SEPTIN8: variants seen among roughly 807,000 people sequenced by gnomAD.
SEPTIN8 encodes the protein septin-8.
SEPTIN8 carries 22 observed loss-of-function variants against 53.1 expected under a neutral mutation model. The ratio of observed to expected loss-of-function variants is 0.41; its 90% CI spans 0.30 to 0.59. The LOEUF (loss-of-function observed/expected upper bound fraction) is 0.59. Ranked by LOEUF, SEPTIN8 falls within the 20% of genes least tolerant of loss-of-function variation. SEPTIN8 has a pLI of 0.24. For synonymous variants in SEPTIN8, 228 were observed against 248.4 expected, an observed-to-expected ratio of 0.92 and a Z score of 0.77; for missense variants, 536 against 638.7, an observed-to-expected ratio of 0.84 and a Z score of 1.73.
chr5:132,767,943 C>CCACCCACACACACACACA (rs1554114976), intron 1 of SEPTIN8, among the ~76,000 whole-genome samples: 1 of 127,976 alleles, frequency 7.8e-6, no homozygotes, highest in African/African-American at 2.9e-5. Flanking sequence ...TGTCTGGAAA[C>CCACCCACACACACACACA]CACACACACA....
chr5:132,762,546 C>A lies in SEPTIN8; in HGVS notation c.634G>T (p.Val212Phe), dbSNP rs776730798. Residue 212 changes from valine (V) to phenylalanine (F), a missense_variant, in exon 5 of 10, where the codon GTC (valine) becomes TTC (phenylalanine). Around this residue, in one of 3 missense-constraint regions of SEPTIN8, gnomAD observed 395 missense variants for 451.8 expected, o/e 0.87. Coordinates refer to ENST00000378719, the MANE Select transcript of SEPTIN8 (RefSeq NM_001098811.2). ...TCCGTGGGGAACTGGTAGATCTGGA[C>A]CCCGTTGCTGACCAACTCGCCCATG... ...KIMGELVSNG[V>F]QIYQFPTDDE... 3.7e-6 allele frequency: 6 copies of A among 1,614,220 alleles called. No individual in the cohort carries two copies. In the Admixed American group the frequency reaches 6.7e-5, roughly 18 times the overall value.
upstream of SEPTIN8, chr5:132,778,102 C>T: frequency 1.0e-6 from 1 of 985,080 alleles, no homozygotes; most frequent in Non-Finnish European, 1.2e-6. Flanking sequence ...TCGGAGGCCT[C>T]AGGAGGTTCT....
At chr5:132,754,694 G>A (rs1755176073) in intron 9 of SEPTIN8, among the ~76,000 whole-genome samples, 1 of 152,164 alleles carries the variant, frequency 6.6e-6, no homozygotes, top group South Asian at 2.1e-4. Flanking sequence ...GCTTGCCGTG[G>A]GGCCCCAGGT....
upstream of SEPTIN8, among the ~76,000 whole-genome samples, chr5:132,780,063 G>C (rs565195697): frequency 1.3e-5 from 2 of 152,304 alleles, no homozygotes; most frequent in East Asian, 3.9e-4. Flanking sequence ...TGCATTCCAG[G>C]CAGCAAGAGG....
intron 9 of SEPTIN8, among the ~76,000 whole-genome samples, chr5:132,752,659 T>G (rs1754953021): frequency 6.6e-6 from 1 of 152,112 alleles, no homozygotes; most frequent in Non-Finnish European, 1.5e-5. Context: ...TCAGAACAGA[T>G]AGGTTAGGAT....
intron 1 of SEPTIN8, among the ~76,000 whole-genome samples, chr5:132,771,636 T>C (rs953774571): frequency 2.0e-5 from 3 of 152,162 alleles, no homozygotes; most frequent in Non-Finnish European, 4.4e-5. Flanking sequence ...TCTCCACCCA[T>C]GTTCCTGGCA....
chr5:132,777,019 A>C lies in SEPTIN8; in HGVS notation c.30+89T>G, dbSNP rs1017561661. ...CGAGGCCCGGCCGTGAGGCGCTGAC[A>C]GCCCGCTTCGCGCCCCCCGCCAGCT... On this transcript the variant is annotated intron_variant, in intron 1 of 9. Coordinates refer to ENST00000378719, the MANE Select transcript of SEPTIN8 (RefSeq NM_001098811.2). The surrounding 1 kb of genome is among the most constrained non-coding windows in gnomAD (Gnocchi z 4.1). The C allele has an allele frequency of 3.5e-6, 3 of 849,582 alleles. No homozygotes were observed. The African/African-American group carries it at 5.4e-5, about 15-fold the overall frequency. 52.6% of individuals were successfully genotyped at this position (849,582 alleles called of 1,614,324 possible). A position where few individuals can be genotyped will look rare whatever the true frequency, so the allele number is the denominator to read the frequency against.
Position 132,751,082 on chromosome 5 carries a change from C to A in SEPTIN8, c.*934G>T. ...GTTTACAACATGGGATGGCAAAGCA[C>A]AGGCGTGCACACGCCCTTGCACATG... On this transcript the variant is annotated 3_prime_UTR_variant, in exon 10 of 10. Transcript: ENST00000378719. The A allele has an allele frequency of 6.7e-7, 1 of 1,492,086 alleles. No homozygotes were observed. The allele number at this position is 1,492,086 out of a possible 1,614,324, so 92.4% of individuals were successfully genotyped here.
In SEPTIN8 at chr5:132,751,344, C is replaced by CTAA. The variant is rs1432058682; in HGVS notation, c.*671_*672insTTA. 9.2e-6 allele frequency: 2 copies of CTAA among 217,338 alleles called. No homozygotes were observed. Among genetic ancestry groups the CTAA allele is most frequent in the African/African-American group, 4.6e-5 (2 of 43,180 alleles). 13.5% of individuals were successfully genotyped at this position (217,338 alleles called of 1,614,324 possible). A position where few individuals can be genotyped will look rare whatever the true frequency, so the allele number is the denominator to read the frequency against. ...ATCTGTCTGCTTTTGCTACACTTTA[C>CTAA]ACACATTCACTTAGCTGTCTTTATT... On this transcript the variant is annotated 3_prime_UTR_variant, in exon 10 of 10. Coordinates refer to ENST00000378719, the MANE Select transcript of SEPTIN8 (RefSeq NM_001098811.2).
upstream of SEPTIN8, among the ~76,000 whole-genome samples, chr5:132,778,547 T>TAAA (rs1757968020): frequency 6.6e-6 from 1 of 152,182 alleles, no homozygotes; most frequent in Non-Finnish European, 1.5e-5. Context: ...TGTTGCTGTT[T>TAAA]CCCATGCTGT....
chr5:132,754,133 C>T (rs1755122587), intron 9 of SEPTIN8: 1 of 379,796 alleles, frequency 2.6e-6, no homozygotes, highest in Non-Finnish European at 4.8e-6. Context: ...CTTGTTGGTG[C>T]TTTCGTTAAA....
At chr5:132,764,026 C>G in intron 3 of SEPTIN8, 134 bp from the exon 4 acceptor site, 1 of 1,032,950 alleles carries the variant, frequency 9.7e-7, no homozygotes, top group Non-Finnish European at 1.4e-6. Context: ...GCCTGAGATC[C>G]CTGACTGGAT....
At chr5:132,772,866 G>A (rs1561773261) in intron 1 of SEPTIN8, among the ~76,000 whole-genome samples, 4 of 152,158 alleles carry the variant, frequency 2.6e-5, no homozygotes, top group Admixed American at 1.3e-4. Flanking sequence ...GCATCAGGCA[G>A]CCCAAGCCCT....
At chr5:132,759,344 A>G (rs1755660297) in intron 9 of SEPTIN8, among the ~76,000 whole-genome samples, 1 of 152,162 alleles carries the variant, frequency 6.6e-6, no homozygotes, top group Admixed American at 6.5e-5. Flanking sequence ...CCCAGGCCAC[A>G]TGGGAAAAGC....
At chr5:132,777,371 G>A, upstream of SEPTIN8, 1 of 1,031,602 alleles carries the variant, frequency 9.7e-7, no homozygotes, top group Non-Finnish European at 1.2e-6. The surrounding 1 kb of genome is among the most constrained non-coding windows in gnomAD (Gnocchi z 4.1). Flanking sequence ...CCGGAGCCCC[G>A]CCGCTTGGAC....
chr5:132,756,730 C>G (rs1755376805), intron 9 of SEPTIN8: 1 of 985,324 alleles, frequency 1.0e-6, no homozygotes, highest in Non-Finnish European at 1.2e-6. Flanking sequence ...CCTGAAGATC[C>G]TGGGAAGGCT....
chr5:132,758,268 A>G, intron 9 of SEPTIN8: 1 of 1,308,438 alleles, frequency 7.6e-7, no homozygotes, highest in South Asian at 2.5e-5. Context: ...TATGAAAATA[A>G]TGGGAGAGGA....
chr5:132,755,967 C>T, intron 9 of SEPTIN8: 1 of 984,876 alleles, frequency 1.0e-6, no homozygotes, highest in Non-Finnish European at 1.2e-6. Flanking sequence ...AACGTTAAAT[C>T]AGAAAAGCTA....
chr5:132,755,015 C>T (rs1755203836), intron 9 of SEPTIN8, among the ~76,000 whole-genome samples: 1 of 152,142 alleles, frequency 6.6e-6, no homozygotes, highest in South Asian at 2.1e-4. Flanking sequence ...TGAGCCAAGT[C>T]ATTTGATGAT....
Sources: allele counts gnomAD v4.1 joint callset (sites outside exome capture counted in the v4.1 genomes callset), GRCh38; gene constraint gnomAD v4.1.1; regional missense constraint gnomAD v4.1.1; non-coding constraint Gnocchi (gnomAD v3.1); transcripts MANE v1.5; gene names NCBI Gene and HGNC (gene_info 2026-07-23, HGNC 2026-07-21).